The following C9orf153 variants were observed in gnomAD, a reference collection of about 807,000 sequenced individuals.
C9orf153 encodes uncharacterized protein C9orf153.
Under a neutral mutation model 9.0 loss-of-function variants are expected in C9orf153, and 10 were observed. The observed-to-expected ratio is 1.11, with a 90% CI of 0.69 to 1.89. The LOEUF (loss-of-function observed/expected upper bound fraction) is 1.89, where lower values mean the gene tolerates loss of function less well. C9orf153 is among the 40% of genes most tolerant of loss of function. The pLI, the probability that C9orf153 is intolerant of heterozygous loss-of-function variation, is 0.00. For missense variants in C9orf153, 108 were observed against 111.0 expected (o/e 0.97, Z 0.12); for synonymous variants, 35 against 37.3 (o/e 0.94, Z 0.23).
chr9:86,259,125 G>T (rs1825190573), intron 1 of C9orf153, among the ~76,000 whole-genome samples: 1 of 151,864 alleles, frequency 6.6e-6, no homozygotes, highest in South Asian at 2.1e-4. Context: ...AACCTCCCAG[G>T]CTCAGGTGAT....
At chr9:86,245,061 G>A (rs1048300924) in intron 1 of C9orf153, among the ~76,000 whole-genome samples, 4 of 152,108 alleles carry the variant, frequency 2.6e-5, no homozygotes, top group Non-Finnish European at 5.9e-5. Context: ...TGAGTAGCTA[G>A]GATTACAGGC....
Position 86,240,711 on chromosome 9 carries a change from T to C in C9orf153, c.-26-11082A>G, listed in dbSNP as rs11788295. 1.2e-4 allele frequency among the ~76,000 whole-genome samples: 4 copies of C among 34,300 alleles called. No individual in the cohort carries two copies. The African/African-American group carries it at 1.3e-3, about 11-fold the overall frequency. The allele number at this position is 34,300 out of a possible 152,430, so 22.5% of individuals were successfully genotyped here. A position where few individuals can be genotyped will look rare whatever the true frequency, so the allele number is the denominator to read the frequency against. On this transcript the variant is annotated intron_variant, in intron 1 of 3. Coordinates refer to ENST00000339137, the MANE Select transcript of C9orf153 (RefSeq NM_001276366.4). ...TTTTCTTTTCTTTTTCTTTTTCTTT[T>C]TTTTTTTTTTTTTTTGAGATGGAGT...
At chr9:86,239,166 CAA>C (rs1390811828) in intron 1 of C9orf153, among the ~76,000 whole-genome samples, 2 of 151,220 alleles carry the variant, frequency 1.3e-5, no homozygotes, top group African/African-American at 2.4e-5. Context: ...GAGGCCGAGA[CAA>C]AGGAATCACT....
intron 1 of C9orf153, among the ~76,000 whole-genome samples, chr9:86,235,492 T>G (rs1196151108): frequency 6.6e-6 from 1 of 151,912 alleles, no homozygotes; most frequent in Admixed American, 6.6e-5. Context: ...TGTGGTGGCT[T>G]ATGCCTGTAA....
At chr9:86,236,595 G>A (rs1454029742) in intron 1 of C9orf153, among the ~76,000 whole-genome samples, 1 of 149,998 alleles carries the variant, frequency 6.7e-6, no homozygotes, top group Non-Finnish European at 1.5e-5. Flanking sequence ...TGCTTTCTCA[G>A]GAAAACAAAC....
At chr9:86,255,153 A>C (rs1825092040) in intron 1 of C9orf153, among the ~76,000 whole-genome samples, 1 of 150,988 alleles carries the variant, frequency 6.6e-6, no homozygotes, top group Non-Finnish European at 1.5e-5. Context: ...TGCTTGTCCC[A>C]AATTTTTCCC....
intron 1 of C9orf153, among the ~76,000 whole-genome samples, chr9:86,253,297 G>A (rs1235918740): frequency 6.6e-6 from 1 of 152,138 alleles, no homozygotes; most frequent in Non-Finnish European, 1.5e-5. Flanking sequence ...TGGAAAGACT[G>A]GCCTGGTATC....
At chr9:86,248,092 G>A (rs572460969) in intron 1 of C9orf153, among the ~76,000 whole-genome samples, 2 of 152,122 alleles carry the variant, frequency 1.3e-5, no homozygotes, top group African/African-American at 4.8e-5. Context: ...CTGCACTGAG[G>A]GTAGGGGTTG....
At chr9:86,236,396 A>C (rs557210040) in intron 1 of C9orf153, among the ~76,000 whole-genome samples, 1 of 152,158 alleles carries the variant, frequency 6.6e-6, no homozygotes, top group East Asian at 1.9e-4. Context: ...TAAAAATACA[A>C]AAAGTTAGCC....
chr9:86,227,866 T>C lies in C9orf153; in HGVS notation c.231A>G (p.Gln77=), dbSNP rs983041858. Residue 77 remains glutamine (Q), a synonymous_variant, in exon 3 of 4, where the codon CAA becomes CAG. Transcript: ENST00000339137. ...TRGADVRGDL[Q]PVIRKTIHES... ...TAACCACTGTGCACCTGATAACAGG[T>C]TGGAGATCTCCTCTCACATCAGCGC... 1 of 1,611,756 alleles carries C rather than the reference T, an allele frequency of 6.2e-7. No individual in the cohort carries two copies. Among genetic ancestry groups the C allele is most frequent in the Non-Finnish European group, 8.5e-7 (1 of 1,179,192 alleles).
chr9:86,245,860 A>C (rs1824853575), intron 1 of C9orf153, among the ~76,000 whole-genome samples: 1 of 152,250 alleles, frequency 6.6e-6, no homozygotes, highest in Non-Finnish European at 1.5e-5. Flanking sequence ...ATGACTTTAA[A>C]AAATGATTGT....
intron 1 of C9orf153, among the ~76,000 whole-genome samples, chr9:86,257,893 A>G (rs1193992776): frequency 6.6e-6 from 1 of 152,160 alleles, no homozygotes; most frequent in Non-Finnish European, 1.5e-5. Context: ...TCAGGGAATG[A>G]GCGGTGTGGG....
intron 1 of C9orf153, among the ~76,000 whole-genome samples, chr9:86,240,648 G>A (rs1305817010): frequency 1.3e-5 from 2 of 150,564 alleles, no homozygotes; most frequent in African/African-American, 2.4e-5. Flanking sequence ...AAAGTGGTGG[G>A]ATTACATGCG....
intron 1 of C9orf153, among the ~76,000 whole-genome samples, chr9:86,234,054 G>A (rs759293202): frequency 6.6e-6 from 1 of 152,114 alleles, no homozygotes; most frequent in Non-Finnish European, 1.5e-5. Flanking sequence ...CTGCACTCCA[G>A]CCTGGAGAAA....
intron 1 of C9orf153, among the ~76,000 whole-genome samples, chr9:86,236,982 C>G (rs991610430): frequency 6.7e-6 from 1 of 148,468 alleles, no homozygotes; most frequent in Non-Finnish European, 1.5e-5. Flanking sequence ...AGAATGTATT[C>G]AAACAATTAT....
chr9:86,226,766 T>C, intron 3 of C9orf153, among the ~76,000 whole-genome samples: 1 of 152,118 alleles, frequency 6.6e-6, no homozygotes, highest in South Asian at 2.1e-4. Context: ...TTTGTTTGTT[T>C]GTTTGTTTGT....
Position 86,259,613 on chromosome 9 carries a change from C to T in C9orf153, c.-90G>A, listed in dbSNP as rs1251938209. ...GTCTTGAGTCTCTGCACTCCCAGGG[C>T]AGAGGCTGGGTCTCATTCATCCAGC... On this transcript the variant is annotated 5_prime_UTR_variant, in exon 1 of 4. Transcript: ENST00000339137. 6.6e-6 allele frequency: 1 copy of T among 152,338 alleles called. No homozygotes were observed. The highest frequency in any genetic ancestry group is 1.5e-5 in the Non-Finnish European group (1 of 68,150). 9.4% of individuals were successfully genotyped at this position (152,338 alleles called of 1,614,324 possible).
chr9:86,231,771 AC>A (rs1824476582), intron 1 of C9orf153, among the ~76,000 whole-genome samples: 1 of 152,198 alleles, frequency 6.6e-6, no homozygotes, highest in South Asian at 2.1e-4. Flanking sequence ...CTAGGCAATT[AC>A]AATGAGACTT....
At chr9:86,235,708 C>T (rs994256282) in intron 1 of C9orf153, among the ~76,000 whole-genome samples, 5 of 131,680 alleles carry the variant, frequency 3.8e-5, no homozygotes, top group Non-Finnish European at 6.1e-5. Flanking sequence ...CGTCACTGCA[C>T]TCCAGCCTGG....
Sources: allele counts gnomAD v4.1 joint callset (sites outside exome capture counted in the v4.1 genomes callset), GRCh38; gene constraint gnomAD v4.1.1; transcripts MANE v1.5; gene names NCBI Gene and HGNC (gene_info 2026-07-23, HGNC 2026-07-21).